The following CLASP1 variants were observed in gnomAD, a reference collection of about 807,000 sequenced individuals.
CLASP1 encodes CLIP-associating protein 1.
CLASP1 carries 38 observed loss-of-function variants against 192.3 expected under a neutral mutation model. The ratio of observed to expected loss-of-function variants is 0.20; its 90% confidence interval spans 0.15 to 0.26. CLASP1 has a LOEUF of 0.26. Ranked by LOEUF, CLASP1 falls within the 10% of genes least tolerant of loss-of-function variation. CLASP1 has a pLI of 1.00. For synonymous variants in CLASP1, 691 were observed against 712.8 expected, an observed-to-expected ratio of 0.97 and a Z score of 0.49; for missense variants, 1,433 against 1,932.5, an observed-to-expected ratio of 0.74 and a Z score of 4.85.
rs564950949 is a variant in CLASP1, at chr2:121,399,695, T to G, written c.2901-1295A>C. Among the ~76,000 whole-genome samples, 3 of 152,312 alleles carry G rather than the reference T, an allele frequency of 2.0e-5. No homozygotes were observed. In the East Asian group the frequency reaches 5.8e-4, roughly 29 times the overall value. Reference sequence around the variant, plus strand: ...GCACTCAGACCAAATCTACTGAGATTAGGACTCTTAAAGGGGCATCCAGGA... The same window carrying G: ...GCACTCAGACCAAATCTACTGAGATGAGGACTCTTAAAGGGGCATCCAGGA... On this transcript the variant is annotated intron_variant, in intron 28 of 39. Transcript: ENST00000263710.
chr2:121,399,035 C>T (rs1229873831), intron 28 of CLASP1, among the ~76,000 whole-genome samples: 1 of 152,078 alleles, frequency 6.6e-6, no homozygotes, highest in Non-Finnish European at 1.5e-5. Flanking sequence ...CACAATGGGG[C>T]CCACGTGGAA....
chr2:121,479,030 A>ACACACACACACC (rs2092343537), intron 8 of CLASP1, among the ~76,000 whole-genome samples: 1 of 28,570 alleles, frequency 3.5e-5, no homozygotes, highest in African/African-American at 2.3e-4. Flanking sequence ...ACACACACAC[A>ACACACACACACC]CCCCACACAC....
intron 2 of CLASP1, among the ~76,000 whole-genome samples, chr2:121,541,376 A>G (rs371007977): frequency 6.6e-6 from 1 of 152,226 alleles, no homozygotes; most frequent in Admixed American, 6.5e-5. Context: ...ATCCTGAGAT[A>G]TAGAATATAT....
intron 25 of CLASP1, among the ~76,000 whole-genome samples, chr2:121,405,742 G>C (rs1470306616): frequency 6.6e-6 from 1 of 152,222 alleles, no homozygotes; most frequent in Non-Finnish European, 1.5e-5. Flanking sequence ...ACAGATTCTT[G>C]AGGAACAATC....
intron 35 of CLASP1, among the ~76,000 whole-genome samples, chr2:121,366,848 T>C (rs1387056356): frequency 6.6e-6 from 1 of 152,220 alleles, no homozygotes; most frequent in Non-Finnish European, 1.5e-5. Context: ...AAAAACACCA[T>C]TGTACAAATA....
intron 2 of CLASP1, among the ~76,000 whole-genome samples, chr2:121,561,816 T>C (rs1422316448): frequency 6.6e-6 from 1 of 152,090 alleles, no homozygotes; most frequent in East Asian, 1.9e-4. Context: ...AAAGTTAGAG[T>C]TGATACACTC....
intron 37 of CLASP1, among the ~76,000 whole-genome samples, chr2:121,362,957 G>A (rs530685813): frequency 9.2e-5 from 14 of 152,344 alleles, no homozygotes; most frequent in African/African-American, 3.4e-4. Flanking sequence ...ACAGTGAGCA[G>A]GAGCTAGGAA....
At chr2:121,439,528 T>G (rs999598515) in intron 19 of CLASP1, among the ~76,000 whole-genome samples, 23 of 152,292 alleles carry the variant, frequency 1.5e-4, no homozygotes, top group African/African-American at 4.6e-4. Flanking sequence ...TGTTGTGTCT[T>G]TGTTCTCGTT....
intron 2 of CLASP1, among the ~76,000 whole-genome samples, chr2:121,538,193 C>A (rs2095139646): frequency 6.6e-6 from 1 of 152,038 alleles, no homozygotes; most frequent in Non-Finnish European, 1.5e-5. Flanking sequence ...GCAGGTGGAT[C>A]ACCTGAGGTC....
chr2:121,448,307 T>A (rs766434250), exon 18 of CLASP1: 1 of 1,613,492 alleles, frequency 6.2e-7, no homozygotes, highest in Admixed American at 1.7e-5. Flanking sequence ...TAGGACTTCT[T>A]TTGGCAGACA....
At chr2:121,498,909 T>C (rs947010775) in intron 8 of CLASP1, among the ~76,000 whole-genome samples, 9 of 152,118 alleles carry the variant, frequency 5.9e-5, no homozygotes, top group African/African-American at 9.7e-5. Context: ...ATGAAAAAGA[T>C]AGACAATGAC....
intron 8 of CLASP1, among the ~76,000 whole-genome samples, chr2:121,482,169 G>A (rs563411129): frequency 4.0e-4 from 61 of 152,288 alleles, no homozygotes; most frequent in African/African-American, 1.4e-3. Flanking sequence ...TATACAGCGA[G>A]AGAGAACAAA....
intron 1 of CLASP1, among the ~76,000 whole-genome samples, chr2:121,649,118 C>A (rs944608513): frequency 1.3e-5 from 2 of 152,140 alleles, no homozygotes; most frequent in Non-Finnish European, 2.9e-5. Context: ...GCCCGACTGA[C>A]CCCAGGGCCG....
chr2:121,522,646 G>A (rs940640242), intron 6 of CLASP1, among the ~76,000 whole-genome samples: 2 of 151,972 alleles, frequency 1.3e-5, no homozygotes, highest in Non-Finnish European at 2.9e-5. Context: ...TTGTTTTTCG[G>A]TTGTATTATT....
intron 2 of CLASP1, among the ~76,000 whole-genome samples, chr2:121,588,258 A>G (rs2061961832): frequency 6.6e-6 from 1 of 152,170 alleles, no homozygotes; most frequent in Non-Finnish European, 1.5e-5. Context: ...ATGGTTTTAA[A>G]TAAGACAGGT....
intron 2 of CLASP1, among the ~76,000 whole-genome samples, chr2:121,573,385 G>C (rs1350786418): frequency 6.6e-6 from 1 of 152,226 alleles, no homozygotes; most frequent in East Asian, 1.9e-4. Flanking sequence ...AGCACGCCAA[G>C]AATGTATATG....
Position 121,410,801 on chromosome 2 carries a change from A to G in CLASP1, c.2424+65T>C. The G allele has an allele frequency of 5.2e-6, 5 of 956,882 alleles. No homozygotes were observed. In the South Asian group the frequency reaches 8.5e-5, roughly 16 times the overall value. 59.3% of individuals were successfully genotyped at this position (956,882 alleles called of 1,614,324 possible). On this transcript the variant is annotated intron_variant, in intron 24 of 39. Coordinates refer to ENST00000263710, the Ensembl canonical transcript of CLASP1. ...CCTGATTTGGGGGCAATTTCCTGTTAGGACAGAGAGAAATGCAGATGAGTA... is the reference window on the plus strand; with the variant it reads ...CCTGATTTGGGGGCAATTTCCTGTTGGGACAGAGAGAAATGCAGATGAGTA...
intron 8 of CLASP1, among the ~76,000 whole-genome samples, chr2:121,481,553 C>A (rs2092599834): frequency 6.6e-6 from 1 of 152,184 alleles, no homozygotes; most frequent in Non-Finnish European, 1.5e-5. Context: ...TAGGAATATG[C>A]TTTCATCAAG....
At chr2:121,543,110 C>A (rs2095265567) in intron 2 of CLASP1, among the ~76,000 whole-genome samples, 1 of 152,200 alleles carries the variant, frequency 6.6e-6, no homozygotes, top group African/African-American at 2.4e-5. Context: ...TAAACCACCA[C>A]AGGAGGCTCA....
Sources: allele counts gnomAD v4.1 joint callset (sites outside exome capture counted in the v4.1 genomes callset), GRCh38; gene constraint gnomAD v4.1.1; transcripts MANE v1.5; gene names NCBI Gene and HGNC (gene_info 2026-07-23, HGNC 2026-07-21).